The following ZBBX variants were observed in gnomAD, a reference collection of about 807,000 sequenced individuals.
The protein encoded by ZBBX is zinc finger B-box domain containing, also known as zinc finger B-box domain-containing protein 1.
A neutral mutation model predicts 108.5 loss-of-function variants in ZBBX; 101 were observed. The observed-to-expected ratio is 0.93, with a 90% CI of 0.79 to 1.10. ZBBX has a LOEUF of 1.10. ZBBX is among the 50% of genes least tolerant of loss of function. The pLI is 0.00. For synonymous variants in ZBBX, 356 were observed against 323.4 expected (o/e 1.10, Z -1.08); for missense variants, 1,009 against 941.4 (o/e 1.07, Z -0.94).
the ZBBX span, among the ~76,000 whole-genome samples, chr3:167,216,509 G>A: frequency 1.3e-5 from 2 of 152,216 alleles, no homozygotes; most frequent in Admixed American, 6.6e-5. Context: ...CATGCTCATT[G>A]ATAGGAAGAA....
chr3:167,236,053 C>T (rs1432533589), downstream of ZBBX, among the ~76,000 whole-genome samples: 1 of 151,586 alleles, frequency 6.6e-6, no homozygotes, highest in African/African-American at 2.4e-5. Context: ...ATAGTATATA[C>T]GTTTTTAAAA....
At chr3:167,376,153 T>C (rs965130758) in intron 2 of ZBBX, among the ~76,000 whole-genome samples, 1 of 152,188 alleles carries the variant, frequency 6.6e-6, no homozygotes, top group Non-Finnish European at 1.5e-5. Context: ...CAACAAGAAA[T>C]AAAGATACCA....
chr3:167,300,774 C>T (rs540279690), intron 17 of ZBBX, among the ~76,000 whole-genome samples: 19 of 151,992 alleles, frequency 1.3e-4, no homozygotes, highest in Middle Eastern at 3.4e-3. Flanking sequence ...CCTGCCACCA[C>T]GCCCAGCTAA....
At chr3:167,386,184 G>T (rs1747917895) in intron 1 of ZBBX, among the ~76,000 whole-genome samples, 1 of 152,050 alleles carries the variant, frequency 6.6e-6, no homozygotes, top group Non-Finnish European at 1.5e-5. Flanking sequence ...GGAAGTAGAG[G>T]CAGGGAGAGA....
At position 167,240,487 on chromosome 3, in the gene ZBBX, T is replaced by A. The variant is rs2108300411; in HGVS notation, c.*306A>T. The A allele has an allele frequency of 5.6e-6, 1 of 177,414 alleles. No homozygotes were observed. Among genetic ancestry groups the A allele is most frequent in the African/African-American group, 2.4e-5 (1 of 42,306 alleles). 11.0% of individuals were successfully genotyped at this position (177,414 alleles called of 1,614,324 possible). On this transcript the variant is annotated 3_prime_UTR_variant, in exon 22 of 22. Transcript: ENST00000675490. ...TATAATTGGACGATGAAATATTTCT[T>A]TAAGTATAATCATGTTCTGCCCTAT...
intron 9 of ZBBX, among the ~76,000 whole-genome samples, chr3:167,348,370 A>AAGAAAGAAAGAAAG (rs1366052823): frequency 7.5e-6 from 1 of 133,982 alleles, no homozygotes; most frequent in African/African-American, 2.8e-5. Context: ...GAAAGAAAGA[A>AAGAAAGAAAGAAAG]AAAAAAGAAA....
chr3:167,370,621 AAGCG>A (rs1432013226), intron 4 of ZBBX, among the ~76,000 whole-genome samples: 14 of 152,202 alleles, frequency 9.2e-5, no homozygotes, highest in African/African-American at 3.1e-4. Context: ...CCTACTGACC[AAGCG>A]GTCAAGTTTA....
chr3:167,180,600 T>C, the ZBBX span, among the ~76,000 whole-genome samples: 1 of 152,212 alleles, frequency 6.6e-6, no homozygotes, highest in Non-Finnish European at 1.5e-5. Context: ...CATAACACTG[T>C]GAAAATTTTT....
the ZBBX span, among the ~76,000 whole-genome samples, chr3:167,183,219 T>A: frequency 2.6e-5 from 4 of 152,208 alleles, no homozygotes; most frequent in Non-Finnish European, 4.4e-5. Flanking sequence ...CTCCTCATCA[T>A]CAGTGTGAAA....
At position 167,262,300 on chromosome 3, in the gene ZBBX, A is replaced by G. The variant is rs562887344; in HGVS notation, c.2255-19657T>C. The stretch of plus-strand genomic sequence containing the variant: ...GATTTCTGGTTTGCTCTTGCAGTCC[A>G]TCTGGAACTAAAATTCACAATGCGA... On this transcript the variant is annotated intron_variant, in intron 20 of 21. Coordinates refer to ENST00000675490, the MANE Select transcript of ZBBX (RefSeq NM_001199201.2). 8.8e-4 allele frequency among the ~76,000 whole-genome samples: 134 copies of G among 152,318 alleles called. 1 individual carries two copies. Among genetic ancestry groups the G allele is most frequent in the African/African-American group, 3.1e-3 (129 of 41,568 alleles).
intron 16 of ZBBX, among the ~76,000 whole-genome samples, chr3:167,311,471 T>G (rs555809139): frequency 6.6e-6 from 1 of 151,978 alleles, no homozygotes; most frequent in Non-Finnish European, 1.5e-5. Context: ...TTATACACTA[T>G]GAAAAATAGT....
At chr3:167,241,299 C>A (rs947137635) in intron 21 of ZBBX, among the ~76,000 whole-genome samples, 1 of 152,130 alleles carries the variant, frequency 6.6e-6, no homozygotes, top group Admixed American at 6.5e-5. Context: ...CCAGATAAAT[C>A]ATCTCTTTTG....
intron 20 of ZBBX, among the ~76,000 whole-genome samples, chr3:167,263,451 T>C (rs1724935374): frequency 6.6e-6 from 1 of 152,238 alleles, no homozygotes; most frequent in African/African-American, 2.4e-5. Flanking sequence ...TCAAGAAATT[T>C]TTCCATTTCC....
At chr3:167,273,903 C>T (rs1051767840) in intron 20 of ZBBX, among the ~76,000 whole-genome samples, 2 of 152,130 alleles carry the variant, frequency 1.3e-5, no homozygotes, top group South Asian at 4.1e-4. Context: ...TCATTATTTC[C>T]ATGGGTAACT....
intron 17 of ZBBX, among the ~76,000 whole-genome samples, chr3:167,302,593 G>A (rs977807292): frequency 6.6e-5 from 10 of 151,816 alleles, no homozygotes; most frequent in Admixed American, 1.3e-4. Flanking sequence ...GTTTATTCCC[G>A]TCAGCTTTAC....
Position 167,330,945 on chromosome 3 carries a change from T to TTCTCTCTCTCTC in ZBBX, c.688-2841_688-2830dup, listed in dbSNP as rs151154237. ...TATCTCTTCTCTCTCCTCTCTTTCT[T>TTCTCTCTCTCTC]TCTCTCTCTCTCTCTCTCTCCCCCA... On this transcript the variant is annotated intron_variant, in intron 10 of 21. Coordinates refer to ENST00000675490, the MANE Select transcript of ZBBX (RefSeq NM_001199201.2). 3.7e-3 allele frequency among the ~76,000 whole-genome samples: 322 copies of TTCTCTCTCTCTC among 87,210 alleles called. 19 individuals carry two copies. Among genetic ancestry groups the TTCTCTCTCTCTC allele is most frequent in the African/African-American group, 0.013 (298 of 23,028 alleles). The allele number at this position is 87,210 out of a possible 152,430, so 57.2% of individuals were successfully genotyped here.
chr3:167,254,721 C>T (rs796265230), intron 20 of ZBBX, among the ~76,000 whole-genome samples: 15 of 152,018 alleles, frequency 9.9e-5, no homozygotes, highest in African/African-American at 1.9e-4. Context: ...TTGAAAATAA[C>T]GGGTAATGTA....
At chr3:167,301,002 G>A (rs989606612) in intron 17 of ZBBX, among the ~76,000 whole-genome samples, 1 of 147,144 alleles carries the variant, frequency 6.8e-6, no homozygotes, top group South Asian at 2.2e-4. Flanking sequence ...GAGATTTGTT[G>A]TACAGATTAT....
chr3:167,247,765 C>A (rs577634708), intron 20 of ZBBX, among the ~76,000 whole-genome samples: 27 of 152,206 alleles, frequency 1.8e-4, no homozygotes, highest in Middle Eastern at 3.4e-3. Flanking sequence ...ACTAGGGAAC[C>A]TTTCCCATTT....
Sources: gnomAD v4.1 joint callset for allele counts (sites outside exome capture counted in the v4.1 genomes callset) on GRCh38, gnomAD v4.1.1 for gene constraint, MANE v1.5 for transcripts, NCBI Gene and HGNC (gene_info 2026-07-23, HGNC 2026-07-21) for gene names.